The following ABHD12 variants were observed in gnomAD, a reference collection of about 807,000 sequenced individuals.
ABHD12 encodes the protein abhydrolase domain containing 12, lysophospholipase, also known as lysophosphatidylserine lipase ABHD12.
Under a neutral mutation model 58.3 loss-of-function variants are expected in ABHD12, and 43 were observed. The ratio of observed to expected loss-of-function variants is 0.74; its 90% CI spans 0.58 to 0.95. ABHD12 has a LOEUF of 0.95. Among genes scored for constraint, ABHD12 ranks in the 40% least tolerant of loss-of-function variants. The pLI is 0.00. For synonymous variants in ABHD12, 219 were observed against 211.2 expected (o/e 1.04, Z -0.32); for missense variants, 539 against 537.2 (o/e 1.00, Z -0.03).
chr20:25,389,463 A>G (rs1159088771), intron 1 of ABHD12, among the ~76,000 whole-genome samples: 1 of 152,172 alleles, frequency 6.6e-6, no homozygotes, highest in Non-Finnish European at 1.5e-5. Flanking sequence ...ATGGTCAAAA[A>G]AGAAGTGCCT....
rs761229641 is a variant in ABHD12, at chr20:25,300,363, G to A, written c.*482C>T. 1.5e-4 allele frequency: 156 copies of A among 1,059,786 alleles called. No individual in the cohort carries two copies. The highest frequency in any genetic ancestry group is 1.5e-4 in the Non-Finnish European group (133 of 874,060). 65.6% of individuals were successfully genotyped at this position (1,059,786 alleles called of 1,614,324 possible). A position where few individuals can be genotyped will look rare whatever the true frequency, so the allele number is the denominator to read the frequency against. On this transcript the variant is annotated 3_prime_UTR_variant, in exon 13 of 13. Coordinates refer to ENST00000339157, the MANE Select transcript of ABHD12 (RefSeq NM_001042472.3). ...AGGGGAGGTGGGGCAGCTGAGAAAG[G>A]CAAGCAGGTACACAGGGCAGGAGGG...
At position 25,300,393 on chromosome 20, in the gene ABHD12, A is replaced by G. The variant is rs2088613576; in HGVS notation, c.*452T>C. 29 of 1,124,472 alleles carry G rather than the reference A, an allele frequency of 2.6e-5. No individual in the cohort carries two copies. Among genetic ancestry groups the G allele is most frequent in the Non-Finnish European group, 3.0e-5 (27 of 909,108 alleles). The allele number at this position is 1,124,472 out of a possible 1,614,324, so 69.7% of individuals were successfully genotyped here. A position where few individuals can be genotyped will look rare whatever the true frequency, so the allele number is the denominator to read the frequency against. On this transcript the variant is annotated 3_prime_UTR_variant, in exon 13 of 13. Transcript: ENST00000339157. The stretch of plus-strand genomic sequence containing the variant: ...CAGGTACACAGGGCAGGAGGGGACG[A>G]TGGAACCACTGGAGTCATTCTGCAT...
chr20:25,297,645 A>G (rs1450806349), downstream of ABHD12: 1 of 152,286 alleles, frequency 6.6e-6, no homozygotes, highest in Non-Finnish European at 1.5e-5. Flanking sequence ...CCTGCCTCCC[A>G]TTGCCCAAGA....
downstream of ABHD12, chr20:25,296,834 A>C (rs1342378785): frequency 8.2e-6 from 3 of 367,006 alleles, no homozygotes; most frequent in Admixed American, 8.9e-5. Flanking sequence ...GCTCCCCCAG[A>C]ACTTTGCACA....
chr20:25,300,930 A>G (rs374285682), intron 12 of ABHD12, 46 bp from the exon 13 acceptor site: 1 of 1,593,040 alleles, frequency 6.3e-7, no homozygotes, highest in Non-Finnish European at 8.6e-7. Context: ...GCTCAGACCA[A>G]AGATCCTTCT....
At chr20:25,296,413 G>A, downstream of ABHD12, 1 of 1,614,080 alleles carries the variant, frequency 6.2e-7, no homozygotes, top group African/African-American at 1.3e-5. Flanking sequence ...AACATCGCCT[G>A]CTCGGGCAAG....
At chr20:25,317,222 C>G (rs1321914876) in intron 4 of ABHD12, 144 bp from the exon 5 acceptor site, 1 of 689,938 alleles carries the variant, frequency 1.4e-6, no homozygotes, top group Non-Finnish European at 2.7e-6. Flanking sequence ...TAGCCCCACA[C>G]TCGCCTCTGG....
downstream of ABHD12, chr20:25,296,428 C>A: frequency 1.2e-6 from 2 of 1,614,088 alleles, no homozygotes; most frequent in Non-Finnish European, 1.7e-6. Context: ...GGCAAGTTCT[C>A]CAGTGACCGG....
intron 2 of ABHD12, among the ~76,000 whole-genome samples, chr20:25,329,064 C>T (rs1434091717): frequency 6.6e-6 from 1 of 152,244 alleles, no homozygotes; most frequent in Non-Finnish European, 1.5e-5. Context: ...CTCCTGCAGG[C>T]CAGTGCCAGG....
intron 1 of ABHD12, among the ~76,000 whole-genome samples, chr20:25,367,013 T>C (rs1046909369): frequency 3.3e-5 from 5 of 152,220 alleles, no homozygotes; most frequent in Admixed American, 2.0e-4. Flanking sequence ...TTTTTTCATC[T>C]GAACTTCAGA....
At chr20:25,389,748 G>A (rs981223797) in intron 1 of ABHD12, among the ~76,000 whole-genome samples, 2 of 152,170 alleles carry the variant, frequency 1.3e-5, no homozygotes, top group Non-Finnish European at 2.9e-5. Context: ...CCAAGGAGGC[G>A]AACTTGTGCG....
At position 25,341,070 on chromosome 20, in the gene ABHD12, G is replaced by A. The variant is rs2089447827; in HGVS notation, c.192-1719C>T. On this transcript the variant is annotated intron_variant, in intron 1 of 12. Transcript: ENST00000339157. ...AAGCTGATGACAAATATGCACATCC[G>A]ATAATGTAACTCATTCACTCATTTT... is the stretch of plus-strand genomic sequence containing the variant. Among the ~76,000 whole-genome samples, 4 of 152,342 alleles carry A rather than the reference G, an allele frequency of 2.6e-5. 1 individual carries two copies. In the South Asian group the frequency reaches 8.3e-4, roughly 32 times the overall value.
rs187574428 is a variant in ABHD12, at chr20:25,317,009, A to G, written c.573+39T>C. 1.5e-4 allele frequency: 245 copies of G among 1,602,986 alleles called. No homozygotes were observed. In the African/African-American group the frequency reaches 3.0e-3, roughly 19 times the overall value. On this transcript the variant is annotated intron_variant, in intron 5 of 12. Transcript: ENST00000339157. ...CCCTTCACTTCCTGCCCTGGAAAGA[A>G]CAGCCCAGGGAACAGGTGTGGGTGC...
intron 1 of ABHD12, among the ~76,000 whole-genome samples, chr20:25,346,460 A>G (rs2089519793): frequency 6.6e-6 from 1 of 152,154 alleles, no homozygotes; most frequent in Non-Finnish European, 1.5e-5. Context: ...TACTTAATGC[A>G]AACTATGGAT....
At chr20:25,300,946 GTCC>G (rs2088625029) in intron 12 of ABHD12, 62 bp from the exon 13 acceptor site, 1 of 1,531,492 alleles carries the variant, frequency 6.5e-7, no homozygotes, top group African/African-American at 1.4e-5. Context: ...CTTCTCCACA[GTCC>G]TCACACTGCT....
chr20:25,316,309 C>A (rs1301033051), intron 5 of ABHD12, among the ~76,000 whole-genome samples: 3 of 152,186 alleles, frequency 2.0e-5, no homozygotes, highest in African/African-American at 7.2e-5. Flanking sequence ...CAGGCGCCCG[C>A]CACCACGCCT....
At chr20:25,341,659 C>A (rs2089455937) in intron 1 of ABHD12, among the ~76,000 whole-genome samples, 1 of 152,138 alleles carries the variant, frequency 6.6e-6, no homozygotes, top group Non-Finnish European at 1.5e-5. Flanking sequence ...TTGCACCAAA[C>A]CTGCAACACA....
At chr20:25,363,654 G>A (rs2089782739) in intron 1 of ABHD12, among the ~76,000 whole-genome samples, 1 of 152,150 alleles carries the variant, frequency 6.6e-6, no homozygotes, top group African/African-American at 2.4e-5. Flanking sequence ...ATTACCTGAG[G>A]TCAGGAGTTT....
intron 4 of ABHD12, 81 bp from the exon 5 acceptor site, chr20:25,317,159 C>G (rs1568723526): frequency 1.1e-6 from 1 of 929,678 alleles, no homozygotes; most frequent in East Asian, 2.5e-5. Context: ...ATACCCCAAA[C>G]CAGGGGGAGG....
Sources: gnomAD v4.1 joint callset for allele counts (sites outside exome capture counted in the v4.1 genomes callset) on GRCh38, gnomAD v4.1.1 for gene constraint, MANE v1.5 for transcripts, NCBI Gene and HGNC (gene_info 2026-07-23, HGNC 2026-07-21) for gene names.